Variants in TRABD2B observed in about 807,000 individuals in gnomAD.
TRABD2B encodes the protein metalloprotease TIKI2.
A neutral mutation model predicts 40.1 loss-of-function variants in TRABD2B; 14 were observed. The ratio of observed to expected loss-of-function variants is 0.35; its 90% confidence interval spans 0.23 to 0.55. TRABD2B has a LOEUF of 0.55. Ranked by LOEUF, TRABD2B falls within the 20% of genes least tolerant of loss-of-function variation. TRABD2B has a pLI of 0.90. For missense variants in TRABD2B, 541 were observed against 648.6 expected (o/e 0.83, Z 1.80); for synonymous variants, 263 against 277.0 (o/e 0.95, Z 0.50).
chr1:47,875,364 G>C (rs1401339060), intron 2 of TRABD2B, among the ~76,000 whole-genome samples: 1 of 151,310 alleles, frequency 6.6e-6, no homozygotes, highest in Non-Finnish European at 1.5e-5. Flanking sequence ...AAAAGTCCTA[G>C]ATTTCAATAA....
intron 2 of TRABD2B, among the ~76,000 whole-genome samples, chr1:47,837,778 A>C (rs1215540523): frequency 2.0e-5 from 3 of 152,198 alleles, no homozygotes; most frequent in Admixed American, 6.5e-5. Flanking sequence ...AAAAAGGAAG[A>C]ATGTAGCCTG....
At chr1:47,939,143 C>T (rs930614208) in intron 2 of TRABD2B, among the ~76,000 whole-genome samples, 4 of 151,910 alleles carry the variant, frequency 2.6e-5, no homozygotes, top group Non-Finnish European at 4.4e-5. Flanking sequence ...ACCCCCCCAC[C>T]CCCAGGATTC....
intron 1 of TRABD2B, among the ~76,000 whole-genome samples, chr1:47,995,499 T>C (rs1245310487): frequency 7.7e-6 from 1 of 130,508 alleles, no homozygotes; most frequent in African/African-American, 3.1e-5. Flanking sequence ...GGAGTGTGTG[T>C]GCGTGTGTGT....
At chr1:47,934,228 G>A (rs1645076061) in intron 2 of TRABD2B, among the ~76,000 whole-genome samples, 1 of 152,196 alleles carries the variant, frequency 6.6e-6, no homozygotes, top group South Asian at 2.1e-4. Flanking sequence ...TGCACAGCAG[G>A]TCCCTGACTC....
intron 2 of TRABD2B, among the ~76,000 whole-genome samples, chr1:47,990,773 ATATATATATATATAT>A (rs1645993923): frequency 6.6e-4 from 2 of 3,052 alleles, no homozygotes; most frequent in East Asian, 6.7e-3. Flanking sequence ...CGTTGGTTTT[ATATATATATATATAT>A]ATATATATAT....
intron 2 of TRABD2B, among the ~76,000 whole-genome samples, chr1:47,973,721 T>C (rs760119754): frequency 2.0e-5 from 3 of 152,218 alleles, no homozygotes; most frequent in South Asian, 2.1e-4. Context: ...ACTATTCTAA[T>C]AGCGTCCATG....
chr1:47,826,635 G>A (rs934368564), intron 2 of TRABD2B, among the ~76,000 whole-genome samples: 1 of 151,978 alleles, frequency 6.6e-6, no homozygotes, highest in Non-Finnish European at 1.5e-5. Context: ...GTGCACTGGC[G>A]TGATCATAAC....
intron 2 of TRABD2B, among the ~76,000 whole-genome samples, chr1:47,878,938 G>GA (rs1644262589): frequency 7.3e-6 from 1 of 136,286 alleles, no homozygotes; most frequent in Admixed American, 7.5e-5. Context: ...CTCTACAAAA[G>GA]ATTTTTTTTT....
chr1:47,943,184 A>C (rs1645210308), intron 2 of TRABD2B, among the ~76,000 whole-genome samples: 1 of 152,230 alleles, frequency 6.6e-6, no homozygotes, highest in Non-Finnish European at 1.5e-5. Flanking sequence ...ACGCACACGC[A>C]ATCCCCACTC....
chr1:47,804,873 A>T lies in TRABD2B; in HGVS notation c.667-3254T>A, dbSNP rs185451100. ...AGGAATCTTACTTAGAACTCAAAATATGGAGAAGGTAAAAATGGAAACTTC... is the reference window on the plus strand; with the variant it reads ...AGGAATCTTACTTAGAACTCAAAATTTGGAGAAGGTAAAAATGGAAACTTC... On this transcript the variant is annotated intron_variant, in intron 2 of 6. Coordinates refer to ENST00000606738, the MANE Select transcript of TRABD2B (RefSeq NM_001194986.2). 1.5e-3 allele frequency among the ~76,000 whole-genome samples: 230 copies of T among 152,286 alleles called. 1 individual carries two copies. The highest frequency in any genetic ancestry group is 5.4e-3 in the African/African-American group (224 of 41,560).
intron 4 of TRABD2B, among the ~76,000 whole-genome samples, chr1:47,789,387 C>T (rs1384805184): frequency 5.9e-5 from 9 of 152,152 alleles, no homozygotes; most frequent in Admixed American, 5.9e-4. Context: ...GCCCTAATCT[C>T]GGTCCCCAGC....
rs907131348 is a variant in TRABD2B at position 47,978,362 on chromosome 1, T to C, written c.666+15672A>G. Among the ~76,000 whole-genome samples the C allele has an allele frequency of 2.8e-4, 42 of 152,172 alleles. 1 individual carries two copies. Among genetic ancestry groups the C allele is most frequent in the African/African-American group, 9.9e-4 (41 of 41,438 alleles). On this transcript the variant is annotated intron_variant, in intron 2 of 6. Transcript: ENST00000606738. ...TGTTAATAAGCAAACTAGCTTATGG[T>C]ATTTCGTTATAGCAACATGAACAGA...
chr1:47,829,547 CACCACTCCCT>C (rs1645222406), intron 2 of TRABD2B, among the ~76,000 whole-genome samples: 1 of 152,120 alleles, frequency 6.6e-6, no homozygotes, highest in South Asian at 2.1e-4. Flanking sequence ...TCCTCTCCAT[CACCACTCCCT>C]GCCAGATCCC....
chr1:47,941,743 G>A (rs1570333993), intron 2 of TRABD2B, among the ~76,000 whole-genome samples: 1 of 152,222 alleles, frequency 6.6e-6, no homozygotes, highest in East Asian at 1.9e-4. Context: ...TGGAAGCTCA[G>A]AGGCCCAGCC....
At chr1:47,993,585 T>C (rs1278963866) in intron 2 of TRABD2B, among the ~76,000 whole-genome samples, 2 of 152,112 alleles carry the variant, frequency 1.3e-5, no homozygotes, top group Non-Finnish European at 2.9e-5. Context: ...AGGCAACTCC[T>C]TGTTGGCTCA....
At chr1:47,879,094 G>C (rs1449076220) in intron 2 of TRABD2B, among the ~76,000 whole-genome samples, 2 of 142,692 alleles carry the variant, frequency 1.4e-5, no homozygotes, top group Non-Finnish European at 1.5e-5. Context: ...GATGAAGTAA[G>C]ACCTTGTCTC....
At chr1:47,974,709 A>G (rs1461715606) in intron 2 of TRABD2B, among the ~76,000 whole-genome samples, 1 of 152,200 alleles carries the variant, frequency 6.6e-6, no homozygotes, top group Non-Finnish European at 1.5e-5. Flanking sequence ...CTTTTTAGGA[A>G]TGGGTTGTTC....
At chr1:47,977,068 C>CTTTT (rs749710731) in intron 2 of TRABD2B, among the ~76,000 whole-genome samples, 1 of 136,648 alleles carries the variant, frequency 7.3e-6, no homozygotes, top group African/African-American at 2.7e-5. Flanking sequence ...AGGTTTAGTC[C>CTTTT]TTTTTTTTTT....
chr1:47,888,965 C>A (rs1644409136), intron 2 of TRABD2B, among the ~76,000 whole-genome samples: 1 of 152,192 alleles, frequency 6.6e-6, no homozygotes, highest in South Asian at 2.1e-4. Flanking sequence ...GGCCCGCGCT[C>A]CCCAGCCCCT....
Sources: gnomAD v4.1 joint callset for allele counts (sites outside exome capture counted in the v4.1 genomes callset) on GRCh38, gnomAD v4.1.1 for gene constraint, MANE v1.5 for transcripts, NCBI Gene and HGNC (gene_info 2026-07-23, HGNC 2026-07-21) for gene names.